Variants in SLC8A1 observed in about 807,000 individuals in gnomAD.
The protein encoded by SLC8A1 is sodium/calcium exchanger 1.
Under a neutral mutation model 68.3 loss-of-function variants are expected in SLC8A1, and 18 were observed. That is an observed-to-expected ratio of 0.26 (90% CI 0.18 to 0.39). The LOEUF is 0.39. Among genes scored for constraint, SLC8A1 ranks in the 10% least tolerant of loss-of-function variants. SLC8A1 has a pLI of 1.00. For missense variants in SLC8A1, 985 were observed against 1,156.7 expected, an observed-to-expected ratio of 0.85 and a Z score of 2.15; for synonymous variants, 475 against 415.5, an observed-to-expected ratio of 1.14 and a Z score of -1.74.
At chr2:40,111,630 G>A (rs1463905941) in exon 8 of SLC8A1, 1 of 152,050 alleles carries the variant, frequency 6.6e-6, no homozygotes, top group East Asian at 1.9e-4. Context: ...CCCCACAAAT[G>A]CTTATTCCAT....
Position 40,333,775 on chromosome 2 carries a change from C to T in SLC8A1, c.1808+94698G>A, listed in dbSNP as rs981026268. On this transcript the variant is annotated intron_variant, in intron 2 of 7. Coordinates refer to ENST00000406785, the Ensembl canonical transcript of SLC8A1. ...ACAAAAAATATCAATATGGGCTGGGCGCAGTAGCTCACGCCAGTAATCCCA... is the reference window on the plus strand; with the variant it reads ...ACAAAAAATATCAATATGGGCTGGGTGCAGTAGCTCACGCCAGTAATCCCA... Among the ~76,000 whole-genome samples the T allele has an allele frequency of 3.3e-5, 5 of 151,806 alleles. No individual in the cohort carries two copies. The South Asian group carries it at 6.2e-4, about 19-fold the overall frequency.
chr2:40,406,940 C>T (rs1273156423), intron 2 of SLC8A1, among the ~76,000 whole-genome samples: 1 of 147,824 alleles, frequency 6.8e-6, no homozygotes, highest in Non-Finnish European at 1.5e-5. Flanking sequence ...TTCTCAATTC[C>T]TTCTCCACAG....
At chr2:40,356,863 A>G (rs1672810505) in intron 2 of SLC8A1, among the ~76,000 whole-genome samples, 1 of 152,230 alleles carries the variant, frequency 6.6e-6, no homozygotes, top group African/African-American at 2.4e-5. Context: ...GTTTAATTAC[A>G]GAAATGCAAA....
intron 1 of SLC8A1, among the ~76,000 whole-genome samples, chr2:40,482,495 T>C (rs1704692075): frequency 6.6e-6 from 1 of 152,216 alleles, no homozygotes; most frequent in South Asian, 2.1e-4. Context: ...TTAGGGTCCC[T>C]GAAGCATAAG....
intron 7 of SLC8A1, among the ~76,000 whole-genome samples, chr2:40,119,663 T>C (rs953439423): frequency 1.3e-5 from 2 of 152,236 alleles, no homozygotes; most frequent in African/African-American, 2.4e-5. Context: ...TAAAAACTTT[T>C]ATATATGGAT....
chr2:40,467,292 G>A (rs573874334), intron 1 of SLC8A1, among the ~76,000 whole-genome samples: 4 of 152,078 alleles, frequency 2.6e-5, no homozygotes, highest in Non-Finnish European at 4.4e-5. Flanking sequence ...AGCTGAGAGT[G>A]TGTTGGAGCA....
At chr2:40,107,354 G>T (rs1053041900) in exon 8 of SLC8A1, 4 of 150,980 alleles carry the variant, frequency 2.6e-5, no homozygotes, top group Admixed American at 2.6e-4. Context: ...GCTATGTTTG[G>T]AGGGAAAATA....
At chr2:40,470,438 A>G (rs1040976049) in intron 1 of SLC8A1, among the ~76,000 whole-genome samples, 14 of 152,052 alleles carry the variant, frequency 9.2e-5, no homozygotes, top group Non-Finnish European at 1.9e-4. Flanking sequence ...TGAAAACAAT[A>G]TAAATGTCCA....
At chr2:40,176,192 C>T (rs528012552) in intron 3 of SLC8A1, among the ~76,000 whole-genome samples, 1 of 152,226 alleles carries the variant, frequency 6.6e-6, no homozygotes, top group East Asian at 1.9e-4. Context: ...CCAGTTTTCT[C>T]TCTAATGATG....
chr2:40,178,427 C>T lies in SLC8A1; in HGVS notation c.1809-572G>A, dbSNP rs1260746825. 4.3e-6 allele frequency: 7 copies of T among 1,613,902 alleles called. No individual in the cohort carries two copies. In the Admixed American group the frequency reaches 5.0e-5, roughly 12 times the overall value. On this transcript the variant is annotated intron_variant, in intron 2 of 7. Transcript: ENST00000406785. ...TCTCCACCAGGCGGGGCTCTCCAAT[C>T]TCAAGGAAGAAGGTCTTGTTTTTCT...
intron 2 of SLC8A1, among the ~76,000 whole-genome samples, chr2:40,299,272 C>T (rs1368430437): frequency 6.6e-6 from 1 of 152,166 alleles, no homozygotes; most frequent in Non-Finnish European, 1.5e-5. Context: ...GATGTCCACA[C>T]TCATTATCCA....
chr2:40,114,214 AAGGAGCAAATGTTC>A (rs747953828), exon 8 of SLC8A1: 2 of 152,782 alleles, frequency 1.3e-5, no homozygotes, highest in Non-Finnish European at 2.9e-5. Flanking sequence ...GCACATGAAG[AAGGAGCAAATGTTC>A]AGTCATGACT....
intron 1 of SLC8A1, among the ~76,000 whole-genome samples, chr2:40,500,295 G>T (rs1479175874): frequency 6.6e-6 from 1 of 151,888 alleles, no homozygotes; most frequent in Admixed American, 6.6e-5. Context: ...TTCTCATATT[G>T]AGTTCCACTC....
intron 2 of SLC8A1, among the ~76,000 whole-genome samples, chr2:40,418,757 G>T (rs921740716): frequency 2.6e-5 from 4 of 152,176 alleles, no homozygotes; most frequent in African/African-American, 9.7e-5. Context: ...GATTTGAGTT[G>T]TTCCTAATCT....
At chr2:40,172,583 T>C (rs144801071) in intron 4 of SLC8A1, among the ~76,000 whole-genome samples, 1 of 152,096 alleles carries the variant, frequency 6.6e-6, no homozygotes, top group African/African-American at 2.4e-5. Context: ...AAAAGAAAAC[T>C]AGGATCCCAT....
At chr2:40,197,264 C>T (rs926809999) in intron 2 of SLC8A1, among the ~76,000 whole-genome samples, 9 of 151,972 alleles carry the variant, frequency 5.9e-5, no homozygotes, top group Admixed American at 2.6e-4. Flanking sequence ...CCACTTTCTA[C>T]GCATGCATGT....
chr2:40,446,819 C>T (rs373739012), intron 1 of SLC8A1, among the ~76,000 whole-genome samples: 5 of 152,314 alleles, frequency 3.3e-5, no homozygotes, highest in South Asian at 4.1e-4. Context: ...AATGAGAAAA[C>T]GTGTGTAAAG....
At chr2:40,418,233 T>C (rs571185081) in intron 2 of SLC8A1, among the ~76,000 whole-genome samples, 59 of 152,290 alleles carry the variant, frequency 3.9e-4, no homozygotes, top group African/African-American at 1.4e-3. Context: ...TTGTTTTATG[T>C]TTACTTCTAC....
At chr2:40,463,121 C>T (rs754338144) in intron 1 of SLC8A1, among the ~76,000 whole-genome samples, 1 of 152,112 alleles carries the variant, frequency 6.6e-6, no homozygotes, top group Non-Finnish European at 1.5e-5. Context: ...AGAGAGTGGG[C>T]TTAGACGTTT....
Sources: allele counts gnomAD v4.1 joint callset (sites outside exome capture counted in the v4.1 genomes callset), GRCh38; gene constraint gnomAD v4.1.1; transcripts MANE v1.5; gene names NCBI Gene and HGNC (gene_info 2026-07-23, HGNC 2026-07-21).